Variants in ANO10 observed in about 807,000 individuals in gnomAD.
The protein encoded by ANO10 is anoctamin 10, also known as anoctamin-10.
A neutral mutation model predicts 74.7 loss-of-function variants in ANO10; 77 were observed. That is an observed-to-expected ratio of 1.03 (90% CI 0.86 to 1.25). The LOEUF (loss-of-function observed/expected upper bound fraction) is 1.25. Ranked by LOEUF, ANO10 falls within the 50% of genes most tolerant of loss-of-function variation. The pLI, the probability that ANO10 is intolerant of heterozygous loss-of-function variation, is 0.00. For synonymous variants in ANO10, 279 were observed against 284.9 expected, an observed-to-expected ratio of 0.98 and a Z score of 0.21; for missense variants, 721 against 778.1, an observed-to-expected ratio of 0.93 and a Z score of 0.87.
intron 1 of ANO10, chr3:43,690,817 G>C (rs576993648): frequency 3.9e-6 from 2 of 519,130 alleles, no homozygotes; most frequent in African/African-American, 4.0e-5. Flanking sequence ...CGGACGCAAA[G>C]CCGGAGGCAA....
intron 12 of ANO10, among the ~76,000 whole-genome samples, chr3:43,382,967 C>T (rs1575615842): frequency 2.0e-5 from 3 of 152,124 alleles, no homozygotes; most frequent in African/African-American, 7.2e-5. Context: ...TGGTAACAAT[C>T]CTATTGACAT....
chr3:43,645,319 C>G (rs983757395), intron 1 of ANO10, among the ~76,000 whole-genome samples: 1 of 151,874 alleles, frequency 6.6e-6, no homozygotes, highest in African/African-American at 2.4e-5. Context: ...TGAAACCCCA[C>G]CTCTACTAAA....
At chr3:43,530,257 A>T (rs566352679) in intron 11 of ANO10, among the ~76,000 whole-genome samples, 4 of 152,092 alleles carry the variant, frequency 2.6e-5, no homozygotes, top group African/African-American at 9.6e-5. Flanking sequence ...TAAATCACAA[A>T]CTACAACAGA....
At chr3:43,453,427 C>A (rs983374751) in intron 11 of ANO10, among the ~76,000 whole-genome samples, 4 of 152,168 alleles carry the variant, frequency 2.6e-5, no homozygotes, top group African/African-American at 9.7e-5. Context: ...GATATGCCCA[C>A]CTCGGCCTCC....
intron 11 of ANO10, among the ~76,000 whole-genome samples, chr3:43,512,322 C>T (rs1360975208): frequency 1.3e-5 from 2 of 152,152 alleles, no homozygotes; most frequent in Non-Finnish European, 2.9e-5. Context: ...GAGAGAGAAT[C>T]CCAACTCTGC....
At chr3:43,374,804 C>T (rs2091740400) in intron 12 of ANO10, among the ~76,000 whole-genome samples, 1 of 152,156 alleles carries the variant, frequency 6.6e-6, no homozygotes, top group Admixed American at 6.5e-5. Context: ...CACATTTTAG[C>T]AAGATATTAA....
At chr3:43,418,272 CT>C (rs1425994678) in intron 12 of ANO10, among the ~76,000 whole-genome samples, 1 of 152,090 alleles carries the variant, frequency 6.6e-6, no homozygotes, top group South Asian at 2.1e-4. Context: ...GCGAGACTGT[CT>C]CAAAACAAAA....
intron 12 of ANO10, among the ~76,000 whole-genome samples, chr3:43,418,228 G>A (rs1029496370): frequency 6.6e-6 from 1 of 152,242 alleles, no homozygotes; most frequent in African/African-American, 2.4e-5. Context: ...AGTGAGCCAA[G>A]ACAGTGCCAT....
chr3:43,369,816 G>A (rs2091544226), intron 12 of ANO10, among the ~76,000 whole-genome samples: 1 of 152,220 alleles, frequency 6.6e-6, no homozygotes, highest in Non-Finnish European at 1.5e-5. Context: ...AAGCGATTTG[G>A]AGGAAATGAG....
Position 43,413,431 on chromosome 3 carries a change from T to C in ANO10, c.1914+19180A>G, listed in dbSNP as rs552576513. 2.6e-5 allele frequency among the ~76,000 whole-genome samples: 4 copies of C among 152,054 alleles called. No homozygotes were observed. The East Asian group carries it at 7.8e-4, about 30-fold the overall frequency. On this transcript the variant is annotated intron_variant, in intron 12 of 12. Coordinates refer to ENST00000292246, the MANE Select transcript of ANO10 (RefSeq NM_018075.5). ...TCGGTGCTGTCCTCCTGACAGTTCA[T>C]TCTCACAAGATCTGGTTGTTTAAAA...
Position 43,509,505 on chromosome 3 carries a change from C to T in ANO10, c.1797+40215G>A, listed in dbSNP as rs145343485. 5.2e-3 allele frequency among the ~76,000 whole-genome samples: 786 copies of T among 152,316 alleles called. 5 individuals are homozygous for T. Among genetic ancestry groups the T allele is most frequent in the African/African-American group, 0.017 (714 of 41,580 alleles). ...TTAAAACTACAATGCAATATGACTA[C>T]ATACCCATCAGAATGGCTAAAATAA... On this transcript the variant is annotated intron_variant, in intron 11 of 12. Coordinates refer to ENST00000292246, the MANE Select transcript of ANO10 (RefSeq NM_018075.5).
At chr3:43,604,358 C>T (rs2082464917) in intron 2 of ANO10, among the ~76,000 whole-genome samples, 1 of 152,130 alleles carries the variant, frequency 6.6e-6, no homozygotes, top group South Asian at 2.1e-4. Flanking sequence ...ATTCCTGAGT[C>T]ATTGTGGGTA....
rs1441715164 is a variant in ANO10, at chr3:43,555,309, G to A, written c.1637C>T (p.Ser546Leu). Residue 546 changes from serine to leucine, a missense_variant, in exon 10 of 13, where the codon TCA becomes TTA. By Grantham distance (145) the Ser-to-Leu change is moderately radical. Transcript: ENST00000292246. ...KMCRVFKRPF[S>L]EPSANIGVWQ... ...CACACCAATATTGGCTGAAGGTTCT[G>A]AGAATGGACGTTTGAAGACCCTGCA... The A allele has an allele frequency of 1.2e-6, 2 of 1,614,032 alleles. No homozygotes were observed. The highest frequency in any genetic ancestry group is 1.7e-6 in the Non-Finnish European group (2 of 1,179,992).
At chr3:43,495,277 A>T (rs1426029510) in intron 11 of ANO10, among the ~76,000 whole-genome samples, 1 of 152,182 alleles carries the variant, frequency 6.6e-6, no homozygotes, top group African/African-American at 2.4e-5. Flanking sequence ...TAAATAAGAC[A>T]CATAGCAAAC....
intron 11 of ANO10, among the ~76,000 whole-genome samples, chr3:43,436,868 CAG>C (rs947930634): frequency 4.6e-5 from 7 of 152,102 alleles, no homozygotes; most frequent in Non-Finnish European, 7.4e-5. Context: ...TCTAATGAAA[CAG>C]AAAATGCAAA....
At chr3:43,668,281 GTTT>G (rs534255096) in intron 1 of ANO10, among the ~76,000 whole-genome samples, 1 of 147,206 alleles carries the variant, frequency 6.8e-6, no homozygotes, top group Non-Finnish European at 1.5e-5. Context: ...TTATGGGATT[GTTT>G]TTTTTTTCTT....
chr3:43,433,933 G>C (rs1218523846), intron 11 of ANO10, among the ~76,000 whole-genome samples: 1 of 152,180 alleles, frequency 6.6e-6, no homozygotes, highest in Non-Finnish European at 1.5e-5. Context: ...AGATGGAACA[G>C]CCTTTAAGAA....
At chr3:43,534,209 A>T (rs570474682) in intron 11 of ANO10, among the ~76,000 whole-genome samples, 2 of 152,268 alleles carry the variant, frequency 1.3e-5, no homozygotes, top group Non-Finnish European at 2.9e-5. Context: ...TCTAGTTTGC[A>T]CATGCTGTCA....
chr3:43,449,127 T>C (rs949938682), intron 11 of ANO10, among the ~76,000 whole-genome samples: 1 of 152,170 alleles, frequency 6.6e-6, no homozygotes, highest in Non-Finnish European at 1.5e-5. Context: ...TCCACCCACC[T>C]TGGCCTCCCA....
Sources: gnomAD v4.1 joint callset for allele counts (sites outside exome capture counted in the v4.1 genomes callset) on GRCh38, gnomAD v4.1.1 for gene constraint, MANE v1.5 for transcripts, NCBI Gene and HGNC (gene_info 2026-07-23, HGNC 2026-07-21) for gene names.